Variants in MACF1 observed in about 807,000 individuals in gnomAD.
MACF1 encodes microtubule actin crosslinking factor 1.
Under a neutral mutation model 854.8 loss-of-function variants are expected in MACF1, and 193 were observed. That is an observed-to-expected ratio of 0.23 (90% confidence interval 0.20 to 0.25). The LOEUF (loss-of-function observed/expected upper bound fraction) is 0.25. MACF1 is among the 10% of genes least tolerant of loss of function. The pLI is 1.00. For missense variants in MACF1, 7,722 were observed against 8,929.1 expected (o/e 0.86, Z 5.45); for synonymous variants, 3,185 against 3,226.7 (o/e 0.99, Z 0.44).
chr1:39,180,043 A>G (rs892565620), intron 2 of MACF1, among the ~76,000 whole-genome samples: 1 of 151,992 alleles, frequency 6.6e-6, no homozygotes, highest in Non-Finnish European at 1.5e-5. Context: ...AAATGAAGTT[A>G]TGCTCTCCTT....
chr1:39,432,351 G>A (rs1449790842), intron 66 of MACF1, among the ~76,000 whole-genome samples, 184 bp from the exon 67 acceptor site: 1 of 152,120 alleles, frequency 6.6e-6, no homozygotes, highest in Non-Finnish European at 1.5e-5. Flanking sequence ...TTGAAATGTG[G>A]TCAGTTTTAA....
intron 58 of MACF1, among the ~76,000 whole-genome samples, chr1:39,406,759 C>T (rs201439003): frequency 1.3e-5 from 1 of 78,578 alleles, no homozygotes; most frequent in African/African-American, 7.4e-5. Context: ...AAAAAAAAAA[C>T]ATTCTTTATA....
At chr1:39,098,426 C>G (rs2148128113) in intron 2 of MACF1, among the ~76,000 whole-genome samples, 1 of 152,334 alleles carries the variant, frequency 6.6e-6, no homozygotes, top group South Asian at 2.1e-4. Flanking sequence ...CACTGCCTCC[C>G]CCATTACAAG....
At chr1:39,470,335 A>C (rs1644752327) in intron 97 of MACF1, among the ~76,000 whole-genome samples, 1 of 152,102 alleles carries the variant, frequency 6.6e-6, no homozygotes, top group African/African-American at 2.4e-5. Context: ...AGCAGTAATA[A>C]TTTTCATTAG....
intron 49 of MACF1, among the ~76,000 whole-genome samples, chr1:39,363,478 T>A (rs1648382065): frequency 6.6e-6 from 1 of 152,196 alleles, no homozygotes; most frequent in Non-Finnish European, 1.5e-5. Context: ...AATCCTTTGC[T>A]TTTTTACTTA....
rs184070112 is a variant in MACF1, at chr1:39,400,146, G to T, written c.15816+11488G>T. Among the ~76,000 whole-genome samples the T allele has an allele frequency of 2.4e-4, 36 of 152,272 alleles. 1 individual carries two copies. The highest frequency in any genetic ancestry group is 8.7e-4 in the African/African-American group (36 of 41,560). On this transcript the variant is annotated intron_variant, in intron 58 of 100. Transcript: ENST00000564288. ...AGAAATGTGCTACTTCTTATGCACAGAGTCATTGCTACTTACTCAATTAGT... is the reference window on the plus strand; with the variant it reads ...AGAAATGTGCTACTTCTTATGCACATAGTCATTGCTACTTACTCAATTAGT...
intron 2 of MACF1, among the ~76,000 whole-genome samples, chr1:39,118,453 A>G (rs911749702): frequency 6.6e-6 from 1 of 152,190 alleles, no homozygotes; most frequent in Non-Finnish European, 1.5e-5. Flanking sequence ...TCTTGTTCTT[A>G]TTGTTAATAA....
chr1:39,436,470 C>T, intron 70 of MACF1: 1 of 1,613,964 alleles, frequency 6.2e-7, no homozygotes, highest in South Asian at 1.1e-5. Flanking sequence ...TTGACCGCGC[C>T]CACCATTACA....
intron 2 of MACF1, among the ~76,000 whole-genome samples, chr1:39,095,345 G>C (rs1257039132): frequency 6.8e-6 from 1 of 147,928 alleles, no homozygotes; most frequent in Non-Finnish European, 1.5e-5. Flanking sequence ...GGCGGATCAT[G>C]AGGTCAACAG....
chr1:39,216,814 G>GA lies in MACF1; in HGVS notation c.109+11686dup, dbSNP rs539087167. Among the ~76,000 whole-genome samples the GA allele has an allele frequency of 2.0e-3, 301 of 152,130 alleles. 2 individuals carry two copies. The highest frequency in any genetic ancestry group is 7.0e-3 in the African/African-American group (291 of 41,514). On this transcript the variant is annotated intron_variant, in intron 1 of 100. Transcript: ENST00000564288. The stretch of plus-strand genomic sequence containing the variant: ...TCCTGTAACCAACAAAGAAGTATAG[G>GA]AAAGTCTAAAATCTTTATTGAAAGT...
chr1:39,415,736 A>G (rs1188498450), intron 58 of MACF1, among the ~76,000 whole-genome samples: 6 of 151,986 alleles, frequency 3.9e-5, no homozygotes, highest in African/African-American at 1.2e-4. Flanking sequence ...ATCCTTGAGC[A>G]CTCCTAGTCC....
At position 39,357,705 on chromosome 1, in the gene MACF1, C is replaced by T. The variant is rs145899609; in HGVS notation, c.11755C>T (p.Arg3919Trp). The T allele has an allele frequency of 7.4e-5, 120 of 1,614,024 alleles. No individual in the cohort carries two copies. Among genetic ancestry groups the T allele is most frequent in the African/African-American group, 3.6e-4 (27 of 75,004 alleles). ...SPETLPSLLKRQGSFSEDVIS... is the reference protein window; with the variant it reads ...SPETLPSLLKWQGSFSEDVIS... ...CGAGACCCTTCCCTCCCTGCTAAAG[C>T]GGCAAGGAAGCTTCTCAGAGGATGT... Residue 3919 changes from arginine to tryptophan, a missense_variant, in exon 45 of 101, where the codon CGG becomes TGG. Transcript: ENST00000564288.
At position 39,332,974 on chromosome 1, in the gene MACF1, G is replaced by A; in HGVS notation, c.6386G>A (p.Gly2129Glu). Residue 2129 changes from glycine to glutamate, a missense_variant, in exon 37 of 101, where the codon GGA (glycine) becomes GAA (glutamate). This residue lies in a region of MACF1 where 1,531 missense variants were observed against 1,601.6 expected (regional missense o/e 0.96). Coordinates refer to ENST00000564288, the MANE Select transcript of MACF1 (RefSeq NM_001394062.1). The stretch of plus-strand genomic sequence containing the variant: ...TCTGTCAGAGAAAATGCCAGCAGGG[G>A]ACACCTCCTGACCATACCTCCTGCT... ...AVSVRENASR[G>E]HLLTIPPAEA... 6.2e-7 allele frequency: 1 copy of A among 1,614,136 alleles called. No individual in the cohort carries two copies. Among genetic ancestry groups the A allele is most frequent in the Non-Finnish European group, 8.5e-7 (1 of 1,180,034 alleles).
chr1:39,139,297 G>GTTT (rs777759471), intron 2 of MACF1, among the ~76,000 whole-genome samples: 1 of 134,990 alleles, frequency 7.4e-6, no homozygotes, highest in African/African-American at 2.7e-5. Context: ...ATCTGCCACT[G>GTTT]TTTTTTTTTT....
At chr1:39,355,428 A>G (rs908671955) in intron 44 of MACF1, among the ~76,000 whole-genome samples, 2 of 114,620 alleles carry the variant, frequency 1.7e-5, no homozygotes, top group African/African-American at 3.1e-5. Context: ...AGCAAGATAT[A>G]TTTGTCATTC....
chr1:39,351,168 T>C (rs1174631831), intron 43 of MACF1, 150 bp downstream of exon 43: 2 of 589,168 alleles, frequency 3.4e-6, no homozygotes, highest in East Asian at 6.1e-5. Flanking sequence ...TTTTGTTTTT[T>C]GAGACGGAAT....
At chr1:39,288,747 G>A (rs376914551) in intron 15 of MACF1, among the ~76,000 whole-genome samples, 279 of 152,236 alleles carry the variant, frequency 1.8e-3, no homozygotes, top group African/African-American at 5.8e-3. Context: ...AGCCAAGATC[G>A]CACCACTGCG....
intron 70 of MACF1, chr1:39,436,012 AT>A (rs1309293104): frequency 2.3e-5 from 11 of 484,802 alleles, no homozygotes; most frequent in African/African-American, 1.8e-4. Context: ...TGAAAACTTT[AT>A]GTTGTGATGA....
At chr1:39,240,602 G>A (rs374817410) in intron 2 of MACF1, among the ~76,000 whole-genome samples, 10 of 152,262 alleles carry the variant, frequency 6.6e-5, no homozygotes, top group African/African-American at 1.2e-4. Context: ...GGGTTCAAGC[G>A]ATTCTCCTGC....
Sources: allele counts gnomAD v4.1 joint callset (sites outside exome capture counted in the v4.1 genomes callset), GRCh38; gene constraint gnomAD v4.1.1; regional missense constraint gnomAD v4.1.1; transcripts MANE v1.5; gene names NCBI Gene and HGNC (gene_info 2026-07-23, HGNC 2026-07-21).